DECR2: variants seen among roughly 807,000 people sequenced by gnomAD.
The protein encoded by DECR2 is 2,4-dienoyl-CoA reductase 2.
DECR2 carries 34 observed loss-of-function variants against 29.2 expected under a neutral mutation model. The ratio of observed to expected loss-of-function variants is 1.16; its 90% CI spans 0.89 to 1.55. DECR2 has a LOEUF of 1.55. Ranked by LOEUF, DECR2 falls within the 40% of genes most tolerant of loss-of-function variation. The pLI is 0.00. For missense variants in DECR2, 485 were observed against 425.3 expected, an observed-to-expected ratio of 1.14 and a Z score of -1.23; for synonymous variants, 224 against 182.7, an observed-to-expected ratio of 1.23 and a Z score of -1.82.
rs545194156 is a variant in DECR2 at position 405,163 on chromosome 16, G to A, written c.149+139G>A. On this transcript the variant is annotated intron_variant, in intron 2 of 8. Coordinates refer to ENST00000219481, the MANE Select transcript of DECR2 (RefSeq NM_020664.4). ...CCCGACAGGATCCAGGTGCCTGCCA[G>A]AGGGACTGGGGAGCGGTCGAGGATT... 53 of 1,048,108 alleles carry A rather than the reference G, an allele frequency of 5.1e-5. No homozygotes were observed. In the African/African-American group the frequency reaches 7.6e-4, roughly 15 times the overall value. 64.9% of individuals were successfully genotyped at this position (1,048,108 alleles called of 1,614,324 possible). A position where few individuals can be genotyped will look rare whatever the true frequency, so the allele number is the denominator to read the frequency against.
chr16:407,504 T>G lies in DECR2; in HGVS notation c.281T>G (p.Met94Arg), dbSNP rs1291805934. ...GACGTCCGAGCGCCCCCAGCTGTCA[T>G]GGCCGCCGTGGACCAGGCTCTGAAG... ...SMDVRAPPAV[M>R]AAVDQALKEF... The change falls in exon 4 of 9, where the codon ATG becomes AGG. Residue 94 changes from methionine (M) to arginine (R), a missense_variant. Transcript: ENST00000219481. 9.9e-6 allele frequency: 16 copies of G among 1,613,992 alleles called. No individual in the cohort carries two copies. Among genetic ancestry groups the G allele is most frequent in the Non-Finnish European group, 1.4e-5 (16 of 1,179,942 alleles).
At chr16:402,767 A>G (rs776500305) in intron 1 of DECR2, among the ~76,000 whole-genome samples, 11 of 151,766 alleles carry the variant, frequency 7.2e-5, no homozygotes, top group Non-Finnish European at 1.5e-4. Flanking sequence ...GTAGATCACC[A>G]GAGGTCAGGA....
rs762833896 is a variant in DECR2, at chr16:410,026, G to A, written c.338-217G>A. The A allele has an allele frequency of 2.1e-5, 13 of 604,794 alleles. No homozygotes were observed. The highest frequency in any genetic ancestry group is 4.8e-5 in the South Asian group (2 of 41,986). The allele number at this position is 604,794 out of a possible 1,614,324, so 37.5% of individuals were successfully genotyped here. ...GCCACAGTCGCAGGTACGGAGCCAGGGCTTCAGCATGTCTTCTCTTCTCGG... is the reference window on the plus strand; with the variant it reads ...GCCACAGTCGCAGGTACGGAGCCAGAGCTTCAGCATGTCTTCTCTTCTCGG... On this transcript the variant is annotated intron_variant, in intron 4 of 8. Coordinates refer to ENST00000219481, the MANE Select transcript of DECR2 (RefSeq NM_020664.4). This position sits in a 1 kb window ranked among gnomAD's most constrained non-coding sequence, Gnocchi z 4.1.
intron 2 of DECR2, chr16:405,740 C>A: frequency 1.9e-6 from 1 of 537,390 alleles, no homozygotes; most frequent in Non-Finnish European, 3.3e-6. Context: ...CATGCTGTTA[C>A]CCCCAGGCCC....
At chr16:405,994 C>T (rs2054719529) in intron 2 of DECR2, among the ~76,000 whole-genome samples, 2 of 152,236 alleles carry the variant, frequency 1.3e-5, no homozygotes, top group Non-Finnish European at 2.9e-5. Context: ...TCAGAACAGT[C>T]CTCCACGCCA....
chr16:411,010 CA>C lies in DECR2; in HGVS notation c.599del (p.Asn200ThrfsTer28). Reference protein sequence around the residue: ...TRHLAVEWGPQNIRVNSLAPG... With the variant: ...TRHLAVEWGPXNIRVNSLAPG... Reference sequence around the variant, plus strand: ...GCACTTGGCTGTGGAGTGGGGTCCCCAAAACATCCGCGTCAACAGCCTCGCC... The same window carrying C: ...GCACTTGGCTGTGGAGTGGGGTCCCCAAACATCCGCGTCAACAGCCTCGCC... On this transcript the variant is annotated frameshift_variant, in exon 7 of 9. Coordinates refer to ENST00000219481, the MANE Select transcript of DECR2 (RefSeq NM_020664.4). LOFTEE classifies it high-confidence loss of function. 6.2e-7 allele frequency: 1 copy of C among 1,603,684 alleles called. No individual in the cohort carries two copies. Among genetic ancestry groups the C allele is most frequent in the Admixed American group, 1.7e-5 (1 of 58,550 alleles).
At chr16:405,135 C>A in intron 2 of DECR2, 111 bp downstream of exon 2, 1 of 1,334,398 alleles carries the variant, frequency 7.5e-7, no homozygotes, top group Non-Finnish European at 1.1e-6. Flanking sequence ...CCCTGCTCAC[C>A]TACCCGACAG....
intron 1 of DECR2, 125 bp downstream of exon 1, chr16:402,168 C>CT (rs2054674513): frequency 4.2e-6 from 3 of 709,282 alleles, no homozygotes; most frequent in Admixed American, 9.0e-5. Flanking sequence ...TCCTTTCTTT[C>CT]TTTTTTCTTT....
chr16:405,454 C>CA, intron 2 of DECR2: 1 of 1,177,242 alleles, frequency 8.5e-7, no homozygotes, highest in Non-Finnish European at 1.1e-6. Flanking sequence ...CTTTTCAGAC[C>CA]AAAAAGGTGA....
Position 405,188 on chromosome 16 carries a change from T to C in DECR2, c.149+164T>C, listed in dbSNP as rs1031844719. On this transcript the variant is annotated intron_variant, in intron 2 of 8. Transcript: ENST00000219481. ...GAGGGACTGGGGAGCGGTCGAGGAT[T>C]GCCCTGGGGGGAGTCAGGACTTCAA... The C allele has an allele frequency of 1.7e-5, 14 of 802,928 alleles. No individual in the cohort carries two copies. The Admixed American group carries it at 2.7e-4, about 15-fold the overall frequency. 49.7% of individuals were successfully genotyped at this position (802,928 alleles called of 1,614,324 possible). A position where few individuals can be genotyped will look rare whatever the true frequency, so the allele number is the denominator to read the frequency against.
At chr16:406,441 G>GGGGGCT (rs1461989720) in intron 3 of DECR2, 44 bp downstream of exon 3, 7 of 1,597,174 alleles carry the variant, frequency 4.4e-6, no homozygotes, top group East Asian at 2.2e-5. Context: ...GTGGCTGTGG[G>GGGGGCT]GGGGCTGGGG....
At chr16:411,247 G>T in intron 7 of DECR2, 114 bp from the exon 8 acceptor site, 1 of 1,230,312 alleles carries the variant, frequency 8.1e-7, no homozygotes, top group South Asian at 1.5e-5. Flanking sequence ...AGGCCTTGGT[G>T]ACACTGACTG....
chr16:411,115 C>G (rs1408849503), intron 7 of DECR2, 39 bp downstream of exon 7: 2 of 1,460,570 alleles, frequency 1.4e-6, no homozygotes, highest in African/African-American at 2.9e-5. Flanking sequence ...CACAGATCCT[C>G]TCCTGGGGCA....
intron 2 of DECR2, 116 bp downstream of exon 2, chr16:405,140 C>CCACCTG: frequency 7.8e-7 from 1 of 1,280,072 alleles, no homozygotes; most frequent in South Asian, 1.3e-5. Context: ...CTCACCTACC[C>CCACCTG]GACAGGATCC....
chr16:406,101 G>A (rs554590489), intron 2 of DECR2, among the ~76,000 whole-genome samples: 1 of 152,322 alleles, frequency 6.6e-6, no homozygotes, highest in Admixed American at 6.5e-5. Flanking sequence ...CTCTGTACCT[G>A]GTGTTTGGGG....
Position 402,015 on chromosome 16 carries a change from C to G in DECR2, c.52C>G (p.Arg18Gly), listed in dbSNP as rs1167137366. 6.7e-7 allele frequency: 1 copy of G among 1,489,206 alleles called. No homozygotes were observed. Among genetic ancestry groups the G allele is most frequent in the South Asian group, 1.3e-5 (1 of 78,756 alleles). 92.2% of individuals were successfully genotyped at this position (1,489,206 alleles called of 1,614,324 possible). Residue 18 changes from arginine (R) to glycine (G), a missense_variant, in exon 1 of 9, where the codon CGC (arginine) becomes GGC (glycine). Arg to Gly is a moderately radical substitution (Grantham distance 125, BLOSUM62 -2). Coordinates refer to ENST00000219481, the MANE Select transcript of DECR2 (RefSeq NM_020664.4). ...VEGDDCLPAYRHLFCPDLLRD... is the reference protein window; with the variant it reads ...VEGDDCLPAYGHLFCPDLLRD... ...GGGGGACGACTGTCTCCCCGCGTAC[C>G]GCCACCTCTTCTGCCCGGACCTGCT... is the stretch of plus-strand genomic sequence containing the variant.
intron 4 of DECR2, 80 bp downstream of exon 4, chr16:407,640 G>T (rs2054742432): frequency 1.9e-6 from 3 of 1,566,406 alleles, no homozygotes; most frequent in Non-Finnish European, 2.6e-6. Context: ...CTGGTCATGG[G>T]GTGGGGACCA....
At position 405,991 on chromosome 16, in the gene DECR2, A is replaced by G. The variant is rs146828473; in HGVS notation, c.150-355A>G. Among the ~76,000 whole-genome samples, 1,432 of 152,316 alleles carry G rather than the reference A, an allele frequency of 9.4e-3. 18 individuals are homozygous for G. Among genetic ancestry groups the G allele is most frequent in the African/African-American group, 0.022 (910 of 41,586 alleles). Reference sequence around the variant, plus strand: ...AGCAGGGAGCACCCCGCTTCAGAACAGTCCTCCACGCCAGCCCCACAGGGA... The same window carrying G: ...AGCAGGGAGCACCCCGCTTCAGAACGGTCCTCCACGCCAGCCCCACAGGGA... On this transcript the variant is annotated intron_variant, in intron 2 of 8. Coordinates refer to ENST00000219481, the MANE Select transcript of DECR2 (RefSeq NM_020664.4).
intron 1 of DECR2, among the ~76,000 whole-genome samples, chr16:402,722 G>T (rs995081990): frequency 6.6e-6 from 1 of 151,180 alleles, no homozygotes; most frequent in Non-Finnish European, 1.5e-5. Flanking sequence ...AGTGGCTCAC[G>T]CCTGTAATCC....
Sources: allele counts gnomAD v4.1 joint callset (sites outside exome capture counted in the v4.1 genomes callset), GRCh38; gene constraint gnomAD v4.1.1; non-coding constraint Gnocchi (gnomAD v3.1); transcripts MANE v1.5; gene names NCBI Gene and HGNC (gene_info 2026-07-23, HGNC 2026-07-21).